The following PDZRN4 variants were observed in gnomAD, a reference collection of about 807,000 sequenced individuals.
PDZRN4 encodes PDZ domain-containing RING finger protein 4.
PDZRN4 carries 70 observed loss-of-function variants against 99.0 expected under a neutral mutation model. The ratio of observed to expected loss-of-function variants is 0.71; its 90% CI spans 0.58 to 0.86. PDZRN4 has a LOEUF of 0.86. Among genes scored for constraint, PDZRN4 ranks in the 40% least tolerant of loss-of-function variants. The probability of loss-of-function intolerance (pLI) is 0.00; values close to 1 mark genes in which losing one functional copy is unlikely to be tolerated. For missense variants in PDZRN4, 1,474 were observed against 1,331.2 expected, an observed-to-expected ratio of 1.11 and a Z score of -1.67; for synonymous variants, 551 against 501.6, an observed-to-expected ratio of 1.10 and a Z score of -1.32.
chr12:41,198,566 A>G (rs908223672), intron 3 of PDZRN4, among the ~76,000 whole-genome samples: 1 of 139,134 alleles, frequency 7.2e-6, no homozygotes, highest in Non-Finnish European at 1.5e-5. Flanking sequence ...CCTTTTCTTT[A>G]GAAATAGTTC....
chr12:41,420,513 T>C (rs1952479738), intron 3 of PDZRN4, among the ~76,000 whole-genome samples: 1 of 152,120 alleles, frequency 6.6e-6, no homozygotes, highest in South Asian at 2.1e-4. Flanking sequence ...GCCTTACTCT[T>C]AAGTAGCTCT....
chr12:41,344,204 A>C (rs1565557480), intron 3 of PDZRN4, among the ~76,000 whole-genome samples: 1 of 152,120 alleles, frequency 6.6e-6, no homozygotes. Flanking sequence ...TTATATTTTC[A>C]ACTTGACCTC....
At chr12:41,501,554 T>C (rs867721976) in intron 3 of PDZRN4, among the ~76,000 whole-genome samples, 16 of 152,286 alleles carry the variant, frequency 1.1e-4, no homozygotes, top group South Asian at 6.2e-4. Flanking sequence ...CCCTCTTCTT[T>C]ACCTAACATT....
intron 5 of PDZRN4, among the ~76,000 whole-genome samples, chr12:41,516,692 G>A (rs1198782645): frequency 6.6e-6 from 1 of 151,890 alleles, no homozygotes; most frequent in Non-Finnish European, 1.5e-5. Flanking sequence ...GAATGACGGG[G>A]GTTCTGGTCT....
intron 5 of PDZRN4, among the ~76,000 whole-genome samples, chr12:41,541,695 C>T (rs1179297325): frequency 2.6e-5 from 4 of 152,088 alleles, no homozygotes; most frequent in Non-Finnish European, 1.5e-5. Context: ...CCTCATGATC[C>T]GCCTGCCTCG....
chr12:41,362,777 C>T (rs1262093822), intron 3 of PDZRN4, among the ~76,000 whole-genome samples: 2 of 152,032 alleles, frequency 1.3e-5, no homozygotes, highest in African/African-American at 4.8e-5. Context: ...TTGTGTGAGG[C>T]TGTGGCAAGC....
intron 3 of PDZRN4, chr12:41,409,819 TCTC>T (rs1484259837): frequency 1.3e-5 from 2 of 152,148 alleles, no homozygotes; most frequent in African/African-American, 2.4e-5. Flanking sequence ...GGGAGGAACT[TCTC>T]CTGCTTCTTC....
At chr12:41,257,389 C>T (rs545796988) in intron 3 of PDZRN4, among the ~76,000 whole-genome samples, 1 of 152,256 alleles carries the variant, frequency 6.6e-6, no homozygotes, top group South Asian at 2.1e-4. Context: ...CGGGTGCTTG[C>T]CCTCATCACC....
chr12:41,464,132 G>T (rs1952901996), intron 3 of PDZRN4, among the ~76,000 whole-genome samples: 1 of 152,094 alleles, frequency 6.6e-6, no homozygotes, highest in Non-Finnish European at 1.5e-5. Flanking sequence ...TATAACACCA[G>T]CCATGTTCAA....
chr12:41,411,014 G>A (rs1413041851), intron 3 of PDZRN4, among the ~76,000 whole-genome samples: 1 of 151,264 alleles, frequency 6.6e-6, no homozygotes, highest in Non-Finnish European at 1.5e-5. Context: ...GAATAGCTAG[G>A]ACCACAGGCA....
intron 3 of PDZRN4, among the ~76,000 whole-genome samples, chr12:41,379,354 T>G (rs1200799145): frequency 1.3e-5 from 2 of 151,110 alleles, no homozygotes; most frequent in Non-Finnish European, 3.0e-5. Flanking sequence ...TGTTTTTCTA[T>G]TCTCTATTTC....
chr12:41,386,240 T>C (rs183679600), intron 3 of PDZRN4, among the ~76,000 whole-genome samples: 4 of 152,304 alleles, frequency 2.6e-5, no homozygotes, highest in Non-Finnish European at 5.9e-5. Flanking sequence ...AGCATTCCCC[T>C]TGAAAACCAA....
chr12:41,323,721 TC>T (rs1951693964), intron 3 of PDZRN4, among the ~76,000 whole-genome samples: 1 of 151,992 alleles, frequency 6.6e-6, no homozygotes, highest in African/African-American at 2.4e-5. Flanking sequence ...TTTAATTTTT[TC>T]TTTTCTAATA....
intron 5 of PDZRN4, among the ~76,000 whole-genome samples, chr12:41,522,468 G>A (rs1212627781): frequency 6.6e-6 from 1 of 152,108 alleles, no homozygotes; most frequent in Non-Finnish European, 1.5e-5. Context: ...ATACAACCGA[G>A]TGTAGGATGG....
Position 41,482,557 on chromosome 12 carries a change from T to TC in PDZRN4, c.844-23898dup, listed in dbSNP as rs574089104. On this transcript the variant is annotated intron_variant, in intron 3 of 9. Coordinates refer to ENST00000402685, the MANE Select transcript of PDZRN4 (RefSeq NM_001164595.2). ...TGTCATATATGTTGAGTTATTTATTTCTCATAAAAGTCCTGTAAGATTAAT... is the reference window on the plus strand; with the variant it reads ...TGTCATATATGTTGAGTTATTTATTTCCTCATAAAAGTCCTGTAAGATTAAT... 1.1e-4 allele frequency among the ~76,000 whole-genome samples: 16 copies of TC among 152,268 alleles called. No individual in the cohort carries two copies. In the East Asian group the frequency reaches 3.1e-3, roughly 29 times the overall value.
chr12:41,332,358 A>G (rs1350780568), intron 3 of PDZRN4, among the ~76,000 whole-genome samples: 2 of 152,106 alleles, frequency 1.3e-5, no homozygotes, highest in Non-Finnish European at 2.9e-5. Flanking sequence ...CAATGGTTTA[A>G]ATGTCTTTAG....
At position 41,509,871 on chromosome 12, in the gene PDZRN4, C is replaced by T. The variant is rs1297403085; in HGVS notation, c.1161C>T (p.Ser387=). 6.2e-7 allele frequency: 1 copy of T among 1,603,006 alleles called. No individual in the cohort carries two copies. Among genetic ancestry groups the T allele is most frequent in the East Asian group, 2.2e-5 (1 of 44,602 alleles). Residue 387 remains serine, a synonymous_variant, in exon 5 of 10, where the codon AGC becomes AGT. Transcript: ENST00000402685. ...ATGAGGACAATGAGTATATTTCCAG[C>T]TTGCCTGCTGATGCAGACAGAACAG... ...EFYEDNEYIS[S]LPADADRTED... is the part of the protein sequence containing the mutation.
intron 3 of PDZRN4, among the ~76,000 whole-genome samples, chr12:41,290,901 T>C (rs1371161609): frequency 6.6e-6 from 1 of 152,262 alleles, no homozygotes; most frequent in African/African-American, 2.4e-5. Context: ...TTGATTCATT[T>C]CCTTAAACAT....
chr12:41,340,044 C>A (rs894610111), intron 3 of PDZRN4, among the ~76,000 whole-genome samples: 1 of 151,956 alleles, frequency 6.6e-6, no homozygotes, highest in African/African-American at 2.4e-5. Flanking sequence ...AAAAATAGAC[C>A]TCCTATATGA....
Sources: gnomAD v4.1 joint callset for allele counts (sites outside exome capture counted in the v4.1 genomes callset) on GRCh38, gnomAD v4.1.1 for gene constraint, MANE v1.5 for transcripts, NCBI Gene and HGNC (gene_info 2026-07-23, HGNC 2026-07-21) for gene names.